Variants in HTT observed in about 807,000 individuals in gnomAD.
HTT encodes huntingtin, also known as huntington disease protein.
HTT carries 104 observed loss-of-function variants against 362.3 expected under a neutral mutation model. The ratio of observed to expected loss-of-function variants is 0.29; its 90% confidence interval spans 0.24 to 0.34. The LOEUF (loss-of-function observed/expected upper bound fraction) is 0.34, where lower values mean the gene tolerates loss of function less well. Among genes scored for constraint, HTT ranks in the 10% least tolerant of loss-of-function variants. The pLI, the probability that HTT is intolerant of heterozygous loss-of-function variation, is 1.00. For missense variants in HTT, 3,301 were observed against 3,928.6 expected, an observed-to-expected ratio of 0.84 and a Z score of 4.27; for synonymous variants, 1,577 against 1,548.7, an observed-to-expected ratio of 1.02 and a Z score of -0.43.
At chr4:3,132,034 C>T (rs1204241284) in intron 16 of HTT, among the ~76,000 whole-genome samples, 6 of 152,174 alleles carry the variant, frequency 3.9e-5, no homozygotes, top group Non-Finnish European at 8.8e-5. Context: ...GGATTTAAAC[C>T]TAAAGCACAA....
chr4:3,235,197 C>T lies in HTT; in HGVS notation c.8457-87C>T, dbSNP rs1034429250. On this transcript the variant is annotated intron_variant, in intron 61 of 66. Transcript: ENST00000355072. Reference sequence around the variant, plus strand: ...GGAGCCCGCCTGGCCCATAGCTCTACACTCCCGCGTGGGGCCGGACATGCT... The same window carrying T: ...GGAGCCCGCCTGGCCCATAGCTCTATACTCCCGCGTGGGGCCGGACATGCT... 5 of 979,768 alleles carry T rather than the reference C, an allele frequency of 5.1e-6. No individual in the cohort carries two copies. In the African/African-American group the frequency reaches 6.3e-5, roughly 12 times the overall value. 60.7% of individuals were successfully genotyped at this position (979,768 alleles called of 1,614,324 possible).
At chr4:3,183,471 C>T (rs61547416) in intron 37 of HTT, among the ~76,000 whole-genome samples, 2,531 of 152,334 alleles carry the variant, frequency 0.017, 84 homozygotes, top group African/African-American at 0.058. Context: ...TGATTATACA[C>T]AATAAACAAC....
chr4:3,239,268 C>T (rs1394520494), intron 66 of HTT, among the ~76,000 whole-genome samples: 1 of 152,218 alleles, frequency 6.6e-6, no homozygotes, highest in Admixed American at 6.5e-5. Flanking sequence ...GCGGTGGTCT[C>T]TGCAGACGTC....
At chr4:3,104,637 G>A (rs763883628) in intron 4 of HTT, among the ~76,000 whole-genome samples, 2 of 151,964 alleles carry the variant, frequency 1.3e-5, no homozygotes, top group South Asian at 2.1e-4. Flanking sequence ...AAATTGGGCC[G>A]GGTGTGGTGG....
intron 37 of HTT, 77 bp downstream of exon 37, chr4:3,182,547 A>G (rs1024786172): frequency 1.3e-5 from 11 of 868,434 alleles, no homozygotes; most frequent in African/African-American, 3.3e-5. Flanking sequence ...GGTGGCTGGA[A>G]TCAGCTCTTC....
In HTT at chr4:3,132,704, C is replaced by T; in HGVS notation, c.2379C>T (p.Thr793=). 1.2e-6 allele frequency: 2 copies of T among 1,614,198 alleles called. No individual in the cohort carries two copies. Among genetic ancestry groups the T allele is most frequent in the Admixed American group, 3.3e-5 (2 of 60,022 alleles). ...TCCACGTGGGAGATTGGATGGGCACCATTAGAACCCTCACAGGTAACGGCC... is the reference window on the plus strand; with the variant it reads ...TCCACGTGGGAGATTGGATGGGCACTATTAGAACCCTCACAGGTAACGGCC... The part of the protein sequence containing the change: ...SRFHVGDWMG[T]IRTLTGNTFS... The change falls in exon 17 of 67, where the codon ACC becomes ACT. Residue 793 remains threonine (T), a synonymous_variant. Transcript: ENST00000355072.
chr4:3,101,776 T>C (rs1011738755), intron 3 of HTT, among the ~76,000 whole-genome samples: 31 of 152,204 alleles, frequency 2.0e-4, no homozygotes, highest in African/African-American at 7.5e-4. Flanking sequence ...GAACTTCATA[T>C]GTGGCATAAA....
Position 3,236,244 on chromosome 4 carries a change from C to T in HTT, c.8881C>T (p.Leu2961Phe). Residue 2961 changes from leucine to phenylalanine, a missense_variant, in exon 64 of 67, where the codon CTT becomes TTT. Transcript: ENST00000355072. The part of the protein sequence containing the change: ...VIVAMERVSV[L>F]FDRIRKGFPC... Reference sequence around the variant, plus strand: ...TGTTGCTATGGAGCGGGTATCTGTTCTTTTTGATAGGTAAGAAGCGAAGCC... The same window carrying T: ...TGTTGCTATGGAGCGGGTATCTGTTTTTTTTGATAGGTAAGAAGCGAAGCC... 1 of 1,610,664 alleles carries T rather than the reference C, an allele frequency of 6.2e-7. No individual in the cohort carries two copies. The highest frequency in any genetic ancestry group is 1.1e-5 in the South Asian group (1 of 91,012).
rs201729743 is a variant in HTT, at chr4:3,187,664, C to T, written c.5003C>T (p.Thr1668Ile). 1 of 1,613,468 alleles carries T rather than the reference C, an allele frequency of 6.2e-7. No homozygotes were observed. The highest frequency in any genetic ancestry group is 8.5e-7 in the Non-Finnish European group (1 of 1,179,388). Residue 1668 changes from threonine to isoleucine, a missense_variant, in exon 39 of 67, where the codon ACT becomes ATT. This residue lies in a region of HTT where 2,316 missense variants were observed against 2,658.5 expected (regional missense o/e 0.87). Coordinates refer to ENST00000355072, the MANE Select transcript of HTT (RefSeq NM_001388492.1). ...TGTTTATTTTAGGCGTCCGTGAGCACTGTTCAACTGTGGATATCGGGAATT... is the reference window on the plus strand; with the variant it reads ...TGTTTATTTTAGGCGTCCGTGAGCATTGTTCAACTGTGGATATCGGGAATT... ...VTPNTMASVS[T>I]VQLWISGILA...
intron 16 of HTT, 142 bp downstream of exon 16, chr4:3,131,917 A>C (rs975461923): frequency 6.7e-6 from 5 of 745,222 alleles, no homozygotes; most frequent in African/African-American, 5.3e-5. Flanking sequence ...CTCTTCAGAA[A>C]ACACATGAAT....
intron 40 of HTT, among the ~76,000 whole-genome samples, chr4:3,198,975 T>G (rs1719395762): frequency 6.6e-6 from 1 of 152,212 alleles, no homozygotes; most frequent in South Asian, 2.1e-4. Context: ...TTTCTGTCCC[T>G]CAGTCCTTAG....
chr4:3,151,390 A>G (rs1482756852), intron 26 of HTT, among the ~76,000 whole-genome samples: 1 of 151,858 alleles, frequency 6.6e-6, no homozygotes, highest in Non-Finnish European at 1.5e-5. Flanking sequence ...GAGAAAAAGA[A>G]AGATTGAGAG....
intron 1 of HTT, among the ~76,000 whole-genome samples, chr4:3,079,312 A>G (rs1458506333): frequency 1.4e-5 from 2 of 145,288 alleles, no homozygotes; most frequent in Non-Finnish European, 3.0e-5. Flanking sequence ...GCTGGAATGC[A>G]GTATCACTAT....
chr4:3,133,445 G>A (rs1216726785), intron 18 of HTT, among the ~76,000 whole-genome samples: 4 of 151,378 alleles, frequency 2.6e-5, no homozygotes, highest in Non-Finnish European at 4.4e-5. Context: ...GCAGTAAGGC[G>A]TGGTTACACC....
At chr4:3,198,490 G>C (rs1312435934) in intron 40 of HTT, among the ~76,000 whole-genome samples, 1 of 152,126 alleles carries the variant, frequency 6.6e-6, no homozygotes, top group African/African-American at 2.4e-5. Flanking sequence ...CTCCCAAAGT[G>C]CTGTGATTAT....
intron 1 of HTT, among the ~76,000 whole-genome samples, chr4:3,085,759 T>C (rs555633176): frequency 6.6e-6 from 1 of 152,334 alleles, no homozygotes; most frequent in East Asian, 1.9e-4. Flanking sequence ...AGAAACTTAG[T>C]AGTCTTTTAG....
chr4:3,096,392 C>T (rs2110152512), intron 2 of HTT, among the ~76,000 whole-genome samples: 1 of 152,336 alleles, frequency 6.6e-6, no homozygotes, highest in African/African-American at 2.4e-5. Context: ...TTACAGGACA[C>T]TCCACCCAGC....
intron 23 of HTT, among the ~76,000 whole-genome samples, chr4:3,143,861 C>T (rs1052032355): frequency 6.6e-5 from 10 of 152,106 alleles, no homozygotes; most frequent in Non-Finnish European, 1.3e-4. Flanking sequence ...CCTCGACCCC[C>T]CAAAGTGCTG....
At chr4:3,160,257 G>T in intron 28 of HTT, 25 bp from the exon 29 acceptor site, 1 of 1,430,158 alleles carries the variant, frequency 7.0e-7, no homozygotes, top group Non-Finnish European at 9.7e-7. Context: ...CAGTAACCGT[G>T]TGTTCTCTCC....
Sources: allele counts gnomAD v4.1 joint callset (sites outside exome capture counted in the v4.1 genomes callset), GRCh38; gene constraint gnomAD v4.1.1; regional missense constraint gnomAD v4.1.1; transcripts MANE v1.5; gene names NCBI Gene and HGNC (gene_info 2026-07-23, HGNC 2026-07-21).